Variants in RUBCNL observed in about 807,000 individuals in gnomAD.
RUBCNL encodes the protein rubicon like autophagy enhancer.
A neutral mutation model predicts 69.5 loss-of-function variants in RUBCNL; 62 were observed. That is an observed-to-expected ratio of 0.89 (90% CI 0.73 to 1.10). The LOEUF (loss-of-function observed/expected upper bound fraction) is 1.10, where lower values mean the gene tolerates loss of function less well. Ranked by LOEUF, RUBCNL falls within the 50% of genes least tolerant of loss-of-function variation. The pLI is 0.00. For missense variants in RUBCNL, 768 were observed against 798.1 expected (o/e 0.96, Z 0.45); for synonymous variants, 291 against 303.6 (o/e 0.96, Z 0.43).
At chr13:46,359,372 T>G (rs1364387553) in intron 9 of RUBCNL, 114 bp downstream of exon 9, 1 of 862,982 alleles carries the variant, frequency 1.2e-6, no homozygotes, top group Non-Finnish European at 1.6e-6. Flanking sequence ...TAAAACAAAT[T>G]TTCCTGTGTT....
chr13:46,335,260 GTTTTTT>G lies in RUBCNL; in HGVS notation c.*8119_*8124del, dbSNP rs764458781. On this transcript the variant is annotated 3_prime_UTR_variant, in exon 15 of 15. Transcript: ENST00000429979. ...GTGTCTTTTTGTTGTTGTTGTTGTT[GTTTTTT>G]TTTTTTTTTTTTTTTTTTTAAGAGA... 2.9e-5 allele frequency among the ~76,000 whole-genome samples: 3 copies of G among 101,888 alleles called. No homozygotes were observed. Among genetic ancestry groups the G allele is most frequent in the African/African-American group, 1.3e-4 (3 of 23,500 alleles). 66.8% of individuals were successfully genotyped at this position (101,888 alleles called of 152,430 possible).
chr13:46,361,719 C>G (rs1050505809), intron 7 of RUBCNL, 146 bp from the exon 8 acceptor site: 2 of 712,434 alleles, frequency 2.8e-6, no homozygotes, highest in African/African-American at 3.6e-5. Flanking sequence ...ACTCACCAGG[C>G]ATCTTACTCA....
Position 46,336,554 on chromosome 13 carries a change from A to G in RUBCNL, c.*6831T>C, listed in dbSNP as rs1222468076. Among the ~76,000 whole-genome samples, 1 of 148,214 alleles carries G rather than the reference A, an allele frequency of 6.7e-6. No individual in the cohort carries two copies. Among genetic ancestry groups the G allele is most frequent in the African/African-American group, 2.4e-5 (1 of 41,154 alleles). ...AATTCATTATAGTCTAGCTTTTCTT[A>G]GCTAGACTTTTTTATTTTATTATAT... On this transcript the variant is annotated 3_prime_UTR_variant, in exon 15 of 15. Coordinates refer to ENST00000429979, the MANE Select transcript of RUBCNL (RefSeq NM_025113.5).
Position 46,342,814 on chromosome 13 carries a change from T to G in RUBCNL, c.*571A>C, listed in dbSNP as rs1235416511. 1.3e-5 allele frequency: 2 copies of G among 152,590 alleles called. No individual in the cohort carries two copies. Among genetic ancestry groups the G allele is most frequent in the Admixed American group, 6.5e-5 (1 of 15,350 alleles). 9.5% of individuals were successfully genotyped at this position (152,590 alleles called of 1,614,324 possible). ...GGACCCACACGCCCTGCTAAGCAAC[T>G]CAAACTCATCATGAAATAAATCTGC... is the stretch of plus-strand genomic sequence containing the variant. On this transcript the variant is annotated 3_prime_UTR_variant, in exon 15 of 15. Transcript: ENST00000429979.
intron 5 of RUBCNL, among the ~76,000 whole-genome samples, chr13:46,364,520 T>C (rs1266435515): frequency 1.3e-5 from 2 of 152,108 alleles, no homozygotes; most frequent in African/African-American, 4.8e-5. Flanking sequence ...ATGGATAGAA[T>C]GGGGGTAAGA....
chr13:46,384,857 T>C (rs1371061534), intron 1 of RUBCNL, among the ~76,000 whole-genome samples: 2 of 152,148 alleles, frequency 1.3e-5, no homozygotes, highest in Admixed American at 6.5e-5. Flanking sequence ...ATTATCATCA[T>C]TTTACGGGTT....
At chr13:46,388,401 C>T (rs1442386244), upstream of RUBCNL, among the ~76,000 whole-genome samples, 1 of 137,000 alleles carries the variant, frequency 7.3e-6, no homozygotes, top group Non-Finnish European at 1.5e-5. Flanking sequence ...AGGAAGGAAT[C>T]TAAGCCAAGG....
At position 46,342,456 on chromosome 13, in the gene RUBCNL, T is replaced by C. The variant is rs2048158611; in HGVS notation, c.*929A>G. 6.6e-6 allele frequency: 1 copy of C among 152,192 alleles called. No homozygotes were observed. The highest frequency in any genetic ancestry group is 6.5e-5 in the Admixed American group (1 of 15,282). The allele number at this position is 152,192 out of a possible 1,614,324, so 9.4% of individuals were successfully genotyped here. A position where few individuals can be genotyped will look rare whatever the true frequency, so the allele number is the denominator to read the frequency against. On this transcript the variant is annotated 3_prime_UTR_variant, in exon 15 of 15. Transcript: ENST00000429979. ...TAGAAGAAAAAAGAATAGGCTCACATGTTTCAGGAAAACATATAAGAACTA... is the reference window on the plus strand; with the variant it reads ...TAGAAGAAAAAAGAATAGGCTCACACGTTTCAGGAAAACATATAAGAACTA...
intron 12 of RUBCNL, among the ~76,000 whole-genome samples, chr13:46,345,854 C>T (rs1057477976): frequency 1.2e-4 from 19 of 152,210 alleles, no homozygotes; most frequent in Non-Finnish European, 2.5e-4. Context: ...ACCTGTATCT[C>T]TTACAGCCTG....
At chr13:46,387,876 G>C, upstream of RUBCNL, 1 of 984,010 alleles carries the variant, frequency 1.0e-6, no homozygotes, top group Non-Finnish European at 1.2e-6. Context: ...GGTGCTAGGA[G>C]AACCTGCCAA....
At chr13:46,381,886 C>T (rs1046223626) in intron 1 of RUBCNL, among the ~76,000 whole-genome samples, 1 of 152,174 alleles carries the variant, frequency 6.6e-6, no homozygotes, top group Non-Finnish European at 1.5e-5. Context: ...CTCACTGCAG[C>T]CTTGACCTCC....
rs747888407 is a variant in RUBCNL at position 46,372,053 on chromosome 13, G to T, written c.423C>A (p.Tyr141Ter). The change falls in exon 3 of 15, where the codon TAC becomes TAA. Residue 141 changes from tyrosine (Y) to a stop codon, truncating the protein, a stop_gained. Coordinates refer to ENST00000429979, the MANE Select transcript of RUBCNL (RefSeq NM_025113.5). LOFTEE classifies it high-confidence loss of function. The part of the protein sequence containing the change: ...STEVHMVRPG[Y>*]SHRVSLPTSP... The stretch of plus-strand genomic sequence containing the variant: ...TTGTGGGCAGAGACACCCGATGAGA[G>T]TATCCTGGGCGGACCATGTGTACCT... 6.2e-7 allele frequency: 1 copy of T among 1,613,998 alleles called. No individual in the cohort carries two copies. Among genetic ancestry groups the T allele is most frequent in the South Asian group, 1.1e-5 (1 of 91,082 alleles).
intron 5 of RUBCNL, among the ~76,000 whole-genome samples, chr13:46,364,613 T>A (rs1366973634): frequency 5.7e-5 from 8 of 141,520 alleles, no homozygotes; most frequent in Admixed American, 2.2e-4. Context: ...ACAGACACAA[T>A]AATATGTTTA....
rs577339453 is a variant in RUBCNL, at chr13:46,356,593, A to T, written c.1266-97T>A. On this transcript the variant is annotated intron_variant, in intron 9 of 14. Transcript: ENST00000429979. ...AAATTGCCATCGTGATACTTTTCTA[A>T]CTAAGGGCCTTAACTTTGTCACTTT... 421 of 948,354 alleles carry T rather than the reference A, an allele frequency of 4.4e-4. 4 individuals are homozygous for T. In the East Asian group the frequency reaches 0.011, roughly 24 times the overall value. The allele number at this position is 948,354 out of a possible 1,614,324, so 58.7% of individuals were successfully genotyped here. A position where few individuals can be genotyped will look rare whatever the true frequency, so the allele number is the denominator to read the frequency against.
intron 1 of RUBCNL, among the ~76,000 whole-genome samples, chr13:46,384,973 C>T (rs1406633681): frequency 2.0e-5 from 3 of 152,128 alleles, no homozygotes; most frequent in East Asian, 3.8e-4. Context: ...ATGTTGCCTC[C>T]GTGTGTGGGA....
At chr13:46,362,324 T>A (rs75121377) in intron 7 of RUBCNL, among the ~76,000 whole-genome samples, 2 of 152,196 alleles carry the variant, frequency 1.3e-5, no homozygotes, top group African/African-American at 4.8e-5. Flanking sequence ...GAGGATTAAA[T>A]GAAAATGCAT....
chr13:46,349,286 C>G lies in RUBCNL; in HGVS notation c.1631G>C (p.Ser544Thr). The change falls in exon 12 of 15, where the codon AGT becomes ACT. Residue 544 changes from serine (S) to threonine (T), a missense_variant and splice_region_variant. Physicochemically the swap from Ser to Thr is moderately conservative, Grantham distance 58. Transcript: ENST00000429979. ...AGCCTGTCCCAGCTGAGAATAGTAC[C>G]TGTTAGCAAACCTACAGGTCTTCAA... Reference protein sequence around the residue: ...KLLKTCRFANSALKEFEQVPG... With the variant: ...KLLKTCRFANTALKEFEQVPG... 1 of 1,613,506 alleles carries G rather than the reference C, an allele frequency of 6.2e-7. No homozygotes were observed. Among genetic ancestry groups the G allele is most frequent in the Non-Finnish European group, 8.5e-7 (1 of 1,179,574 alleles).
Position 46,372,022 on chromosome 13 carries a change from C to T in RUBCNL, c.454G>A (p.Gly152Arg), listed in dbSNP as rs1408184. ...SHRVSLPTSP[G>R]ILATSPYPET... ...GGATATGGGGAGGTGGCCAAAATCC[C>T]AGGGCTTGTGGGCAGAGACACCCGA... The change falls in exon 3 of 15, where the codon GGG becomes AGG. Residue 152 changes from glycine (G) to arginine (R), a missense_variant. By Grantham distance (125) the Gly-to-Arg change is moderately radical. Transcript: ENST00000429979. The T allele has an allele frequency of 0.35, 569,873 of 1,613,516 alleles. 104,116 individuals are homozygous for T. Among genetic ancestry groups the T allele is most frequent in the East Asian group, 0.61 (27,373 of 44,856 alleles).
Position 46,362,596 on chromosome 13 carries a change from G to A in RUBCNL, c.928C>T (p.Leu310Phe), listed in dbSNP as rs200143692. 2.5e-6 allele frequency: 4 copies of A among 1,604,940 alleles called. No individual in the cohort carries two copies. The highest frequency in any genetic ancestry group is 3.4e-5 in the Admixed American group (2 of 59,244). Residue 310 changes from leucine (L) to phenylalanine (F), a missense_variant and splice_region_variant, in exon 7 of 15, where the codon CTT becomes TTT. Transcript: ENST00000429979. ...CDVDEFVILE[L>F]GDFNDITETC... ...TCTGTGATATCATTAAAATCTCCAAGCTCTGTGGGAAAATAAAAGAAAGAG... is the reference window on the plus strand; with the variant it reads ...TCTGTGATATCATTAAAATCTCCAAACTCTGTGGGAAAATAAAAGAAAGAG...
Sources: gnomAD v4.1 joint callset for allele counts (sites outside exome capture counted in the v4.1 genomes callset) on GRCh38, gnomAD v4.1.1 for gene constraint, MANE v1.5 for transcripts, NCBI Gene and HGNC (gene_info 2026-07-23, HGNC 2026-07-21) for gene names.